The following KSR2 variants were observed in gnomAD, a reference collection of about 807,000 sequenced individuals.
KSR2 encodes the protein kinase suppressor of ras 2.
A neutral mutation model predicts 107.8 loss-of-function variants in KSR2; 25 were observed. The ratio of observed to expected loss-of-function variants is 0.23; its 90% CI spans 0.17 to 0.32. The LOEUF is 0.32. Among genes scored for constraint, KSR2 ranks in the 10% least tolerant of loss-of-function variants. The pLI is 1.00. For missense variants in KSR2, 887 were observed against 1,268.9 expected (o/e 0.70, Z 4.57); for synonymous variants, 480 against 507.0 (o/e 0.95, Z 0.71).
chr12:117,955,078 A>C (rs543785378), intron 1 of KSR2, among the ~76,000 whole-genome samples: 2 of 152,040 alleles, frequency 1.3e-5, no homozygotes. Flanking sequence ...CCCTGAATGC[A>C]TGATTCCATT....
At chr12:117,544,691 T>C (rs1312188314) in intron 9 of KSR2, among the ~76,000 whole-genome samples, 2 of 152,232 alleles carry the variant, frequency 1.3e-5, no homozygotes, top group Non-Finnish European at 2.9e-5. Context: ...AATTCACTAA[T>C]TAGTTCTAAG....
chr12:117,745,946 G>A (rs1888391109), intron 4 of KSR2, among the ~76,000 whole-genome samples: 1 of 152,028 alleles, frequency 6.6e-6, no homozygotes, highest in African/African-American at 2.4e-5. Flanking sequence ...ACAAGCAAAC[G>A]GAAAAACATT....
At chr12:117,501,190 A>G (rs1290556331) in intron 14 of KSR2, among the ~76,000 whole-genome samples, 2 of 152,266 alleles carry the variant, frequency 1.3e-5, no homozygotes, top group Non-Finnish European at 2.9e-5. Flanking sequence ...TGTTCATAGT[A>G]AAGTTTGATT....
At chr12:117,487,369 G>A (rs1872520640) in intron 14 of KSR2, among the ~76,000 whole-genome samples, 2 of 152,164 alleles carry the variant, frequency 1.3e-5, no homozygotes. Flanking sequence ...CAGTCCCCGG[G>A]TAGCTGACTC....
chr12:117,723,204 T>C (rs1287021752), intron 4 of KSR2, among the ~76,000 whole-genome samples: 1 of 152,228 alleles, frequency 6.6e-6, no homozygotes, highest in Non-Finnish European at 1.5e-5. Flanking sequence ...AGACCTTCTC[T>C]GCTTTAAGCT....
intron 5 of KSR2, among the ~76,000 whole-genome samples, chr12:117,584,439 T>C (rs980104426): frequency 9.2e-5 from 14 of 152,094 alleles, no homozygotes; most frequent in African/African-American, 3.4e-4. Context: ...GTTAGCGTCC[T>C]CACAAGGAAA....
chr12:117,784,275 A>G (rs1468450764), intron 3 of KSR2, among the ~76,000 whole-genome samples: 1 of 152,090 alleles, frequency 6.6e-6, no homozygotes, highest in Non-Finnish European at 1.5e-5. Flanking sequence ...ACTGTGTCTC[A>G]TGGTAGTGAG....
intron 19 of KSR2, among the ~76,000 whole-genome samples, chr12:117,468,990 AGCCCTCAGCAGCCTCATCTGG>A (rs1281789043): frequency 3.9e-4 from 60 of 152,276 alleles, no homozygotes; most frequent in South Asian, 2.1e-4. Context: ...AGCCATGGGG[AGCCCTCAGCAGCCTCATCTGG>A]GCCTGTCTCC....
At chr12:117,960,720 A>G (rs772805385) in intron 1 of KSR2, among the ~76,000 whole-genome samples, 3 of 152,158 alleles carry the variant, frequency 2.0e-5, no homozygotes, top group Non-Finnish European at 4.4e-5. Context: ...GTTGTTCTAT[A>G]GCAATACATA....
chr12:117,894,163 C>T (rs1022404041), intron 1 of KSR2, among the ~76,000 whole-genome samples: 2 of 151,950 alleles, frequency 1.3e-5, no homozygotes, highest in East Asian at 1.9e-4. Context: ...CCCGCCTCGG[C>T]CTCCCAAAGT....
At chr12:117,800,635 A>G (rs1263207975) in intron 3 of KSR2, among the ~76,000 whole-genome samples, 1 of 152,154 alleles carries the variant, frequency 6.6e-6, no homozygotes, top group Non-Finnish European at 1.5e-5. Context: ...CTGAACGTGC[A>G]GGTTTGTTAC....
chr12:117,820,036 C>A lies in KSR2; in HGVS notation c.472+35392G>T, dbSNP rs78481272. On this transcript the variant is annotated intron_variant, in intron 3 of 19. Transcript: ENST00000339824. ...ACTCACCGGAAAATGCGAATATGAG[C>A]AAGATTATGGGTGATTTGGTTTTCT... is the stretch of plus-strand genomic sequence containing the variant. 6.9e-3 allele frequency among the ~76,000 whole-genome samples: 1,055 copies of A among 152,212 alleles called. 59 individuals are homozygous for A. The East Asian group carries it at 0.13, about 19-fold the overall frequency.
chr12:117,809,657 T>C (rs1478977672), intron 3 of KSR2, among the ~76,000 whole-genome samples: 1 of 152,254 alleles, frequency 6.6e-6, no homozygotes, highest in Non-Finnish European at 1.5e-5. Flanking sequence ...AATTATATTA[T>C]GAATCAGTTG....
chr12:117,782,409 G>A (rs114157729), intron 3 of KSR2, among the ~76,000 whole-genome samples: 163 of 152,178 alleles, frequency 1.1e-3, no homozygotes, highest in African/African-American at 3.5e-3. Flanking sequence ...GACTATAGGC[G>A]TGCACCACTA....
intron 12 of KSR2, among the ~76,000 whole-genome samples, chr12:117,530,692 G>C (rs1181433652): frequency 6.6e-6 from 1 of 152,186 alleles, no homozygotes; most frequent in African/African-American, 2.4e-5. Flanking sequence ...GGCAGGGTCA[G>C]AGACACAAGG....
At chr12:117,772,413 TACAC>T (rs1235696796) in intron 3 of KSR2, among the ~76,000 whole-genome samples, 2 of 56,930 alleles carry the variant, frequency 3.5e-5, no homozygotes, top group African/African-American at 7.9e-5. Flanking sequence ...CACACACTCA[TACAC>T]ACACACCATT....
intron 14 of KSR2, among the ~76,000 whole-genome samples, chr12:117,515,911 C>T (rs908052710): frequency 1.3e-5 from 2 of 152,080 alleles, no homozygotes; most frequent in South Asian, 4.1e-4. Context: ...GGGTGACAGA[C>T]CAAGACCTTG....
chr12:117,774,806 C>T (rs769454164), intron 3 of KSR2, among the ~76,000 whole-genome samples: 8 of 152,114 alleles, frequency 5.3e-5, no homozygotes, highest in Non-Finnish European at 1.2e-4. Flanking sequence ...TGTCCCCATT[C>T]GCAATCCTTC....
At chr12:117,610,752 A>AC (rs1359581958) in intron 5 of KSR2, among the ~76,000 whole-genome samples, 4 of 151,786 alleles carry the variant, frequency 2.6e-5, no homozygotes, top group South Asian at 2.1e-4. Flanking sequence ...AAAAAAAAAA[A>AC]AAACAGATCC....
Sources: gnomAD v4.1 joint callset for allele counts (sites outside exome capture counted in the v4.1 genomes callset) on GRCh38, gnomAD v4.1.1 for gene constraint, MANE v1.5 for transcripts, NCBI Gene and HGNC (gene_info 2026-07-23, HGNC 2026-07-21) for gene names.